Variants in PAH observed in about 807,000 individuals in gnomAD.
PAH encodes phenylalanine-4-hydroxylase.
In PAH, 64 loss-of-function variants were observed where a neutral mutation model predicts 62.0. That is an observed-to-expected ratio of 1.03 (90% CI 0.84 to 1.27). PAH has a LOEUF of 1.27. Ranked by LOEUF, PAH falls within the 50% of genes most tolerant of loss-of-function variation. The probability of loss-of-function intolerance (pLI) is 0.00; values close to 1 mark genes in which losing one functional copy is unlikely to be tolerated. For synonymous variants in PAH, 195 were observed against 196.2 expected, an observed-to-expected ratio of 0.99 and a Z score of 0.05; for missense variants, 579 against 542.8, an observed-to-expected ratio of 1.07 and a Z score of -0.66.
intron 1 of PAH, among the ~76,000 whole-genome samples, chr12:102,947,782 T>C (rs1253367853): frequency 2.6e-5 from 4 of 152,318 alleles, no homozygotes; most frequent in Middle Eastern, 3.4e-3. Flanking sequence ...AGAAATTAGA[T>C]GTAGATGGAC....
chr12:102,900,009 T>C (rs67493149), intron 2 of PAH, among the ~76,000 whole-genome samples: 33,400 of 150,106 alleles, frequency 0.22, 4,831 homozygotes, highest in African/African-American at 0.38. Context: ...CTTTCTCTTT[T>C]TTTAAAATCA....
Position 102,839,133 on chromosome 12 carries a change from T to C in PAH, c.*42A>G, listed in dbSNP as rs1238562736. 26 of 1,583,982 alleles carry C rather than the reference T, an allele frequency of 1.6e-5. No individual in the cohort carries two copies. The highest frequency in any genetic ancestry group is 1.7e-4 in the Middle Eastern group (1 of 6,020). On this transcript the variant is annotated 3_prime_UTR_variant, in exon 13 of 13. Coordinates refer to ENST00000553106, the MANE Select transcript of PAH (RefSeq NM_000277.3). ...GATGAAAGAAATAGTTGGATCTCCATCAACAGATTCACAGCTGACAGACCA... is the reference window on the plus strand; with the variant it reads ...GATGAAAGAAATAGTTGGATCTCCACCAACAGATTCACAGCTGACAGACCA...
chr12:102,926,153 T>G (rs1430219110), intron 1 of PAH, among the ~76,000 whole-genome samples: 1 of 152,104 alleles, frequency 6.6e-6, no homozygotes, highest in Non-Finnish European at 1.5e-5. Context: ...AAAGGCAAGA[T>G]AAACTCAGTA....
chr12:102,877,377 T>C (rs1408292350), intron 4 of PAH, 85 bp downstream of exon 4: 1 of 971,158 alleles, frequency 1.0e-6, no homozygotes, highest in African/African-American at 1.6e-5. Flanking sequence ...ACAAGTACAT[T>C]GCTCCAAGTA....
intron 1 of PAH, among the ~76,000 whole-genome samples, chr12:102,932,286 A>G (rs7972906): frequency 0.032 from 4,814 of 152,288 alleles, 264 homozygotes; most frequent in African/African-American, 0.11. Flanking sequence ...AGCTTATGAG[A>G]AGGAAATGGC....
At chr12:102,933,976 G>A (rs566047996) in intron 1 of PAH, among the ~76,000 whole-genome samples, 1 of 152,004 alleles carries the variant, frequency 6.6e-6, no homozygotes, top group African/African-American at 2.4e-5. Context: ...TTTTTGCTTT[G>A]GTTGACTGTG....
chr12:102,927,995 G>A (rs185630768), intron 1 of PAH, among the ~76,000 whole-genome samples: 1 of 152,252 alleles, frequency 6.6e-6, no homozygotes, highest in Admixed American at 6.5e-5. Context: ...TAAATGAAAT[G>A]TCCTTCAGCT....
chr12:102,867,943 G>GTA (rs1384786465), intron 4 of PAH, among the ~76,000 whole-genome samples: 2 of 138,440 alleles, frequency 1.4e-5, no homozygotes, highest in African/African-American at 5.2e-5. Flanking sequence ...ATATATACAT[G>GTA]TATATACATA....
Position 102,844,358 on chromosome 12 carries a change from A to T in PAH, c.1043T>A (p.Leu348Gln). The change falls in exon 10 of 13, where the codon CTG becomes CAG. Residue 348 changes from leucine to glutamine, a missense_variant. Transcript: ENST00000553106. Reference sequence around the variant, plus strand: ...TACCTGTAATTCACCAAAGGATGACAGGAGCCCAGCACCATATGCCTTTAT... The same window carrying T: ...TACCTGTAATTCACCAAAGGATGACTGGAGCCCAGCACCATATGCCTTTAT... ...DSIKAYGAGL[L>Q]SSFGELQYCL... The T allele has an allele frequency of 6.2e-7, 1 of 1,613,192 alleles. No homozygotes were observed. The highest frequency in any genetic ancestry group is 8.5e-7 in the Non-Finnish European group (1 of 1,179,134).
At chr12:102,895,713 G>A (rs1877468185) in intron 2 of PAH, among the ~76,000 whole-genome samples, 1 of 151,830 alleles carries the variant, frequency 6.6e-6, no homozygotes. Flanking sequence ...GCTGGGCATG[G>A]TGGTGTGTGC....
At chr12:102,906,967 GC>G (rs1207060243) in intron 2 of PAH, among the ~76,000 whole-genome samples, 1 of 152,200 alleles carries the variant, frequency 6.6e-6, no homozygotes, top group Non-Finnish European at 1.5e-5. Context: ...TGCTGTCTTG[GC>G]TAGAAAGTTT....
rs931092409 is a variant in PAH, at chr12:102,894,373, CAAAAG to C, written c.352+357_352+361del. On this transcript the variant is annotated intron_variant, in intron 3 of 12. Transcript: ENST00000553106. ...ATAACCCTGAATTTAAAATAAAAGTCAAAAGAAAAAAGAGAGAGAAAAATAAAAAT... is the reference window on the plus strand; with the variant it reads ...ATAACCCTGAATTTAAAATAAAAGTCAAAAAAGAGAGAGAAAAATAAAAAT... Among the ~76,000 whole-genome samples the C allele has an allele frequency of 2.4e-4, 20 of 84,512 alleles. No individual in the cohort carries two copies. The Middle Eastern group carries it at 0.019, about 82-fold the overall frequency. 55.4% of individuals were successfully genotyped at this position (84,512 alleles called of 152,430 possible). A position where few individuals can be genotyped will look rare whatever the true frequency, so the allele number is the denominator to read the frequency against.
At chr12:102,941,864 T>C (rs1373327679) in intron 1 of PAH, among the ~76,000 whole-genome samples, 2 of 152,162 alleles carry the variant, frequency 1.3e-5, no homozygotes, top group Non-Finnish European at 2.9e-5. Flanking sequence ...AAAAGGCTTT[T>C]GATAAAACTC....
chr12:102,957,487 G>C lies in PAH; in HGVS notation c.-96+708C>G, dbSNP rs536281604. The stretch of plus-strand genomic sequence containing the variant: ...TTTGCAAGGAGCGGGAGAAAGGAAC[G>C]GGAGGGGGGGAGAGGAGAGGAGGAG... On this transcript the variant is annotated intron_variant, in intron 1 of 4. Transcript: ENST00000551337. The surrounding 1 kb of genome is among the most constrained non-coding windows in gnomAD (Gnocchi z 4.1). Among the ~76,000 whole-genome samples the C allele has an allele frequency of 1.3e-4, 17 of 128,012 alleles. No homozygotes were observed. Among genetic ancestry groups the C allele is most frequent in the African/African-American group, 4.7e-4 (14 of 29,658 alleles). The allele number at this position is 128,012 out of a possible 152,430, so 84.0% of individuals were successfully genotyped here. A position where few individuals can be genotyped will look rare whatever the true frequency, so the allele number is the denominator to read the frequency against.
chr12:102,899,398 A>T (rs1010749157), intron 2 of PAH, among the ~76,000 whole-genome samples: 4 of 152,182 alleles, frequency 2.6e-5, no homozygotes, highest in African/African-American at 4.8e-5. Context: ...ATAACAATAA[A>T]ACAATTTATG....
At chr12:102,895,056 A>T (rs1214566009) in intron 2 of PAH, 138 bp from the exon 3 acceptor site, 1 of 721,418 alleles carries the variant, frequency 1.4e-6, no homozygotes, top group African/African-American at 1.8e-5. Context: ...GAGTATAAAA[A>T]AGTCCTTAAA....
At chr12:102,904,698 G>A (rs750821767) in intron 2 of PAH, 2 of 469,680 alleles carry the variant, frequency 4.3e-6, no homozygotes, top group Non-Finnish European at 8.5e-6. Flanking sequence ...CATTTTATAG[G>A]GTCCAGAAAT....
chr12:102,945,928 A>AGG (rs1879476570), intron 1 of PAH: 1 of 152,144 alleles, frequency 6.6e-6, no homozygotes, highest in South Asian at 2.1e-4. Flanking sequence ...GCCAAGGCCC[A>AGG]TGGAATATAC....
chr12:102,897,563 CA>C (rs1427093725), intron 2 of PAH, among the ~76,000 whole-genome samples: 1 of 151,224 alleles, frequency 6.6e-6, no homozygotes, highest in Non-Finnish European at 1.5e-5. Flanking sequence ...AAAATGCTCT[CA>C]AAAAATGTTG....
Sources: gnomAD v4.1 joint callset for allele counts (sites outside exome capture counted in the v4.1 genomes callset) on GRCh38, gnomAD v4.1.1 for gene constraint, Gnocchi (gnomAD v3.1) non-coding constraint, MANE v1.5 for transcripts, NCBI Gene and HGNC (gene_info 2026-07-23, HGNC 2026-07-21) for gene names.